The following PTPRM variants were observed in gnomAD, a reference collection of about 807,000 sequenced individuals.
The protein encoded by PTPRM is receptor-type tyrosine-protein phosphatase mu.
In PTPRM, 47 loss-of-function variants were observed where a neutral mutation model predicts 186.7. The ratio of observed to expected loss-of-function variants is 0.25; its 90% confidence interval spans 0.20 to 0.32. PTPRM has a LOEUF of 0.32. PTPRM is among the 10% of genes least tolerant of loss of function. The pLI, the probability that PTPRM is intolerant of heterozygous loss-of-function variation, is 1.00. For missense variants in PTPRM, 1,494 were observed against 1,865.0 expected (o/e 0.80, Z 3.66); for synonymous variants, 668 against 674.9 (o/e 0.99, Z 0.16).
intron 1 of PTPRM, among the ~76,000 whole-genome samples, chr18:7,772,444 C>CCCTT (rs200187256): frequency 0.09 from 8,313 of 91,984 alleles, 479 homozygotes; most frequent in Non-Finnish European, 0.1. Flanking sequence ...CTTCCCCTTC[C>CCCTT]CCTTCCTTCC....
At chr18:8,163,653 G>A (rs949348088) in intron 14 of PTPRM, among the ~76,000 whole-genome samples, 5 of 152,206 alleles carry the variant, frequency 3.3e-5, no homozygotes, top group Admixed American at 1.3e-4. Context: ...GAAGTTATGA[G>A]TACCTAAGTA....
Position 7,906,530 on chromosome 18 carries a change from G to T in PTPRM, c.494G>T (p.Gly165Val). The change falls in exon 4 of 33, where the codon GGA becomes GTA. Residue 165 changes from glycine (G) to valine (V), a missense_variant. Physicochemically the swap from Gly to Val is moderately radical, Grantham distance 109 (BLOSUM62 -3). Around this residue, in one of 3 missense-constraint regions of PTPRM, gnomAD observed 296 missense variants for 345.5 expected, o/e 0.86. Coordinates refer to ENST00000580170, the MANE Select transcript of PTPRM (RefSeq NM_001105244.2). ...GTGATTTTTGAAGTGATAACTTCTG[G>T]ACATCAAGGCTATCTCGCTATCGAT... ...YQVIFEVITSGHQGYLAIDEV... is the reference protein window; with the variant it reads ...YQVIFEVITSVHQGYLAIDEV... The T allele has an allele frequency of 6.2e-7, 1 of 1,613,358 alleles. No individual in the cohort carries two copies. The highest frequency in any genetic ancestry group is 8.5e-7 in the Non-Finnish European group (1 of 1,179,306).
At chr18:7,911,091 T>C (rs2050239978) in intron 4 of PTPRM, among the ~76,000 whole-genome samples, 1 of 152,234 alleles carries the variant, frequency 6.6e-6, no homozygotes, top group South Asian at 2.1e-4. Context: ...ATCCATGTTA[T>C]AGTGTATATC....
At chr18:7,974,919 G>GA (rs2054830523) in intron 7 of PTPRM, among the ~76,000 whole-genome samples, 1 of 152,154 alleles carries the variant, frequency 6.6e-6, no homozygotes, top group African/African-American at 2.4e-5. Flanking sequence ...TCACCTGGAG[G>GA]ACTTGTGAAA....
chr18:7,918,250 T>TA (rs1305801093), intron 4 of PTPRM, among the ~76,000 whole-genome samples: 7 of 152,300 alleles, frequency 4.6e-5, no homozygotes. Flanking sequence ...TTTGGATATA[T>TA]ACCAAGTAGT....
chr18:7,965,959 C>CTA (rs1300097504), intron 7 of PTPRM, among the ~76,000 whole-genome samples: 1 of 152,082 alleles, frequency 6.6e-6, no homozygotes, highest in African/African-American at 2.4e-5. Context: ...CTTTTAAAAG[C>CTA]TAAATAAGAA....
rs192562522 is a variant in PTPRM at position 7,860,541 on chromosome 18, A to G, written c.197-27565A>G. ...CTGGTATATGCAACTTGGGAAACCC[A>G]CCTGCTGAAGTCACAGAACTAATTA... On this transcript the variant is annotated intron_variant, in intron 2 of 32. Coordinates refer to ENST00000580170, the MANE Select transcript of PTPRM (RefSeq NM_001105244.2). Among the ~76,000 whole-genome samples, 17 of 152,326 alleles carry G rather than the reference A, an allele frequency of 1.1e-4. No individual in the cohort carries two copies. In the East Asian group the frequency reaches 3.3e-3, roughly 29 times the overall value.
intron 1 of PTPRM, among the ~76,000 whole-genome samples, chr18:7,683,778 C>G (rs2039533441): frequency 6.6e-6 from 1 of 152,160 alleles, no homozygotes. Context: ...AGTGAGCGGG[C>G]TTGCTATGCT....
chr18:8,050,095 T>C (rs1191297377), intron 7 of PTPRM, among the ~76,000 whole-genome samples: 1 of 152,214 alleles, frequency 6.6e-6, no homozygotes, highest in African/African-American at 2.4e-5. Context: ...AACTGAAGGC[T>C]ACTTTTTGGC....
chr18:7,621,595 C>G (rs1371897303), intron 1 of PTPRM, among the ~76,000 whole-genome samples: 1 of 152,190 alleles, frequency 6.6e-6, no homozygotes, highest in Non-Finnish European at 1.5e-5. Flanking sequence ...TTTTACTGCC[C>G]TAAAAATCCT....
At chr18:8,245,542 TG>T (rs763469907) in intron 15 of PTPRM, among the ~76,000 whole-genome samples, 6 of 152,190 alleles carry the variant, frequency 3.9e-5, no homozygotes, top group Non-Finnish European at 8.8e-5. Flanking sequence ...GCAGATATAA[TG>T]TTTTTCATTT....
At chr18:7,874,941 C>T (rs2048160769) in intron 2 of PTPRM, among the ~76,000 whole-genome samples, 1 of 152,178 alleles carries the variant, frequency 6.6e-6, no homozygotes, top group Non-Finnish European at 1.5e-5. Context: ...GCCTGTAATC[C>T]CAGCACTTTG....
At chr18:7,783,324 G>T (rs1036869348) in intron 2 of PTPRM, among the ~76,000 whole-genome samples, 7 of 152,262 alleles carry the variant, frequency 4.6e-5, no homozygotes, top group African/African-American at 1.7e-4. Flanking sequence ...GACTCATGCT[G>T]GGCAGGGCCA....
At chr18:7,911,928 C>G (rs1425628062) in intron 4 of PTPRM, among the ~76,000 whole-genome samples, 2 of 142,490 alleles carry the variant, frequency 1.4e-5, no homozygotes, top group East Asian at 4.6e-4. Context: ...TCTCGGCTCA[C>G]TGCAACCTCC....
At chr18:8,036,577 A>G (rs1166130439) in intron 7 of PTPRM, among the ~76,000 whole-genome samples, 1 of 152,200 alleles carries the variant, frequency 6.6e-6, no homozygotes, top group Non-Finnish European at 1.5e-5. Context: ...GCAGCACACA[A>G]TGAATTTTTG....
In PTPRM at chr18:7,980,379, C is replaced by CT. The variant is rs201901992; in HGVS notation, c.1132+24974dup. Among the ~76,000 whole-genome samples, 97 of 151,478 alleles carry CT rather than the reference C, an allele frequency of 6.4e-4. 1 individual carries two copies. In the East Asian group the frequency reaches 0.015, roughly 24 times the overall value. ...GTTGCTCTACCCTACAGCCAGATAT[C>CT]TTTTTTTTTATTTTTAGTATTTTTA... On this transcript the variant is annotated intron_variant, in intron 7 of 32. Transcript: ENST00000580170.
At chr18:7,767,713 G>GA (rs146595792) in intron 1 of PTPRM, among the ~76,000 whole-genome samples, 15 of 150,266 alleles carry the variant, frequency 1.0e-4, no homozygotes, top group Admixed American at 7.3e-4. Flanking sequence ...TAATTGCCAG[G>GA]AAAAAAAAAG....
chr18:7,868,586 G>T (rs553365683), intron 2 of PTPRM, among the ~76,000 whole-genome samples: 2 of 152,276 alleles, frequency 1.3e-5, no homozygotes, highest in South Asian at 4.1e-4. Context: ...TCCCAGAGGG[G>T]CACCTACCAG....
chr18:8,406,174 G>T lies in PTPRM; in HGVS notation c.*12G>T. ...TGAATTCTGGCTGATGGTGTAAACA[G>T]CTCTGCAAACAATCCCTTTCATACC... On this transcript the variant is annotated 3_prime_UTR_variant, in exon 33 of 33. Coordinates refer to ENST00000580170, the MANE Select transcript of PTPRM (RefSeq NM_001105244.2). The T allele has an allele frequency of 6.2e-7, 1 of 1,612,804 alleles. No individual in the cohort carries two copies. The highest frequency in any genetic ancestry group is 8.5e-7 in the Non-Finnish European group (1 of 1,178,992).
Sources: allele counts gnomAD v4.1 joint callset (sites outside exome capture counted in the v4.1 genomes callset), GRCh38; gene constraint gnomAD v4.1.1; regional missense constraint gnomAD v4.1.1; transcripts MANE v1.5; gene names NCBI Gene and HGNC (gene_info 2026-07-23, HGNC 2026-07-21).